PCDH15: variants seen among roughly 807,000 people sequenced by gnomAD.
PCDH15 encodes the protein protocadherin-15.
Under a neutral mutation model 178.5 loss-of-function variants are expected in PCDH15, and 129 were observed. That is an observed-to-expected ratio of 0.72 (90% CI 0.63 to 0.84). PCDH15 has a LOEUF of 0.84. Ranked by LOEUF, PCDH15 falls within the 40% of genes least tolerant of loss-of-function variation. The probability of loss-of-function intolerance (pLI) is 0.00; values close to 1 mark genes in which losing one functional copy is unlikely to be tolerated. For synonymous variants in PCDH15, 800 were observed against 732.0 expected (o/e 1.09, Z -1.50); for missense variants, 2,230 against 2,099.9 (o/e 1.06, Z -1.21).
intron 14 of PCDH15, among the ~76,000 whole-genome samples, chr10:54,136,472 G>A (rs2042912437): frequency 7.6e-6 from 1 of 131,964 alleles, no homozygotes; most frequent in Non-Finnish European, 1.6e-5. Flanking sequence ...GGCCCTTTCT[G>A]CTTCGATATT....
At chr10:54,806,840 G>A (rs1342842560) in intron 3 of PCDH15, among the ~76,000 whole-genome samples, 2 of 152,076 alleles carry the variant, frequency 1.3e-5, no homozygotes, top group East Asian at 1.9e-4. Context: ...AGGCATTAGC[G>A]GCTCCTCTTA....
At chr10:53,902,229 T>A (rs1246404566) in intron 26 of PCDH15, among the ~76,000 whole-genome samples, 1 of 152,102 alleles carries the variant, frequency 6.6e-6, no homozygotes. Flanking sequence ...AGGTCAGGGG[T>A]CTGTACTTAG....
At chr10:55,390,542 G>A (rs1287085938) in intron 2 of PCDH15, among the ~76,000 whole-genome samples, 2 of 152,226 alleles carry the variant, frequency 1.3e-5, no homozygotes, top group Non-Finnish European at 1.5e-5. Flanking sequence ...TTCCTTCCAT[G>A]AATCATGACT....
intron 18 of PCDH15, among the ~76,000 whole-genome samples, chr10:54,053,478 C>G (rs977293271): frequency 1.3e-5 from 2 of 152,088 alleles, no homozygotes; most frequent in African/African-American, 4.8e-5. Context: ...CTAGCAATTA[C>G]TATCAAAATT....
intron 3 of PCDH15, among the ~76,000 whole-genome samples, chr10:54,814,389 C>A (rs777689575): frequency 6.6e-6 from 1 of 151,938 alleles, no homozygotes; most frequent in Non-Finnish European, 1.5e-5. Flanking sequence ...AAAAATTAAA[C>A]GTGTATCTAA....
At chr10:54,036,085 A>T (rs546066853) in intron 18 of PCDH15, among the ~76,000 whole-genome samples, 1 of 152,038 alleles carries the variant, frequency 6.6e-6, no homozygotes, top group African/African-American at 2.4e-5. Context: ...TGAAGCTAGT[A>T]GAGGTGGGTT....
intron 15 of PCDH15, among the ~76,000 whole-genome samples, chr10:54,103,633 C>A (rs1216080893): frequency 6.6e-6 from 1 of 152,188 alleles, no homozygotes; most frequent in Non-Finnish European, 1.5e-5. Flanking sequence ...TCCCAAACTC[C>A]CTAAGCCTTT....
At chr10:53,922,338 T>C (rs554561582) in intron 25 of PCDH15, among the ~76,000 whole-genome samples, 4 of 152,332 alleles carry the variant, frequency 2.6e-5, no homozygotes, top group African/African-American at 9.6e-5. Context: ...GTATTTCTTA[T>C]GTTACAATAA....
chr10:54,384,085 C>T (rs4935514), intron 3 of PCDH15, among the ~76,000 whole-genome samples: 129,315 of 150,950 alleles, frequency 0.86, 55,577 homozygotes, highest in East Asian at 0.99. Flanking sequence ...CCATCCGCCT[C>T]GGCCTCCCAA....
At chr10:54,696,636 C>G (rs1421248320) in intron 1 of PCDH15, among the ~76,000 whole-genome samples, 1 of 151,832 alleles carries the variant, frequency 6.6e-6, no homozygotes, top group Non-Finnish European at 1.5e-5. Context: ...AAGTTAAAAG[C>G]TTCCCATTTC....
chr10:54,053,810 G>T (rs2093828053), intron 18 of PCDH15, among the ~76,000 whole-genome samples: 1 of 152,120 alleles, frequency 6.6e-6, no homozygotes, highest in Non-Finnish European at 1.5e-5. Flanking sequence ...CATAATTCCA[G>T]AATTTACATC....
At chr10:53,933,353 T>C (rs2085261416) in intron 25 of PCDH15, among the ~76,000 whole-genome samples, 1 of 139,620 alleles carries the variant, frequency 7.2e-6, no homozygotes, top group Non-Finnish European at 1.6e-5. Flanking sequence ...GTCCCCCGTG[T>C]GTGATGTTCC....
intron 2 of PCDH15, among the ~76,000 whole-genome samples, chr10:55,605,595 C>T (rs1398012690): frequency 2.3e-4 from 34 of 150,078 alleles, no homozygotes; most frequent in Non-Finnish European, 3.7e-4. Context: ...GTTCATTATA[C>T]GCAAATCAAT....
At chr10:54,000,891 A>G (rs2092100915) in intron 20 of PCDH15, among the ~76,000 whole-genome samples, 1 of 152,198 alleles carries the variant, frequency 6.6e-6, no homozygotes, top group Non-Finnish European at 1.5e-5. Flanking sequence ...AAGTTATTTA[A>G]TAATCAAACT....
intron 3 of PCDH15, among the ~76,000 whole-genome samples, chr10:54,895,079 G>C (rs1438361314): frequency 6.6e-6 from 1 of 151,886 alleles, no homozygotes; most frequent in African/African-American, 2.4e-5. Context: ...TTTAAATATG[G>C]GACACACATA....
intron 25 of PCDH15, among the ~76,000 whole-genome samples, chr10:53,918,903 T>C (rs1467479683): frequency 6.6e-6 from 1 of 152,216 alleles, no homozygotes; most frequent in Non-Finnish European, 1.5e-5. Flanking sequence ...GTAGCAGGTC[T>C]GCATTTCTTT....
intron 15 of PCDH15, among the ~76,000 whole-genome samples, chr10:54,125,129 C>T (rs961092392): frequency 2.6e-5 from 4 of 151,838 alleles, no homozygotes; most frequent in African/African-American, 4.8e-5. Context: ...ACACCCAATT[C>T]GTTCATTAGT....
rs146756850 is a variant in PCDH15, at chr10:54,188,281, T to C, written c.1306-3013A>G. ...AAAGAGTAACTTGAGTCAACACTTGTATATTTGCAACTCTTTTAATCATGT... is the reference window on the plus strand; with the variant it reads ...AAAGAGTAACTTGAGTCAACACTTGCATATTTGCAACTCTTTTAATCATGT... On this transcript the variant is annotated intron_variant, in intron 11 of 37. Transcript: ENST00000644397. Among the ~76,000 whole-genome samples the C allele has an allele frequency of 2.1e-4, 32 of 152,008 alleles. No individual in the cohort carries two copies. In the East Asian group the frequency reaches 6.2e-3, roughly 29 times the overall value.
intron 21 of PCDH15, among the ~76,000 whole-genome samples, chr10:53,980,360 T>TA (rs2134597027): frequency 6.6e-6 from 1 of 152,202 alleles, no homozygotes; most frequent in East Asian, 1.9e-4. Context: ...AGAACGTTAT[T>TA]AAAATATGTA....
Sources: allele counts gnomAD v4.1 joint callset (sites outside exome capture counted in the v4.1 genomes callset), GRCh38; gene constraint gnomAD v4.1.1; transcripts MANE v1.5; gene names NCBI Gene and HGNC (gene_info 2026-07-23, HGNC 2026-07-21).